The following RAD52 variants were observed in gnomAD, a reference collection of about 807,000 sequenced individuals.
RAD52 encodes the protein DNA repair protein RAD52 homolog.
Under a neutral mutation model 55.5 loss-of-function variants are expected in RAD52, and 47 were observed. The observed-to-expected ratio is 0.85, with a 90% CI of 0.67 to 1.08. The LOEUF is 1.08. RAD52 is among the 50% of genes least tolerant of loss of function. The pLI, the probability that RAD52 is intolerant of heterozygous loss-of-function variation, is 0.00. For synonymous variants in RAD52, 184 were observed against 198.9 expected (o/e 0.92, Z 0.63); for missense variants, 468 against 522.8 (o/e 0.90, Z 1.02).
chr12:990,747 GC>G (rs1959174270), upstream of RAD52: 1 of 152,258 alleles, frequency 6.6e-6, no homozygotes, highest in African/African-American at 2.4e-5. Context: ...TGCTCCCGCG[GC>G]GCTTGGCTGC....
At chr12:926,330 CA>C (rs61224274) in intron 6 of RAD52, among the ~76,000 whole-genome samples, 143,265 of 145,070 alleles carry the variant, frequency 0.99, 70,759 homozygotes, top group East Asian at 1. Flanking sequence ...CCTGTCTCTC[CA>C]AAAAAAAAAA....
chr12:985,753 C>T (rs1959077500), intron 1 of RAD52, among the ~76,000 whole-genome samples: 1 of 152,130 alleles, frequency 6.6e-6, no homozygotes, highest in South Asian at 2.1e-4. Context: ...AGCGATTCTC[C>T]TGCCTCAGCC....
At chr12:964,839 C>T (rs571288094) in intron 1 of RAD52, among the ~76,000 whole-genome samples, 18 of 151,992 alleles carry the variant, frequency 1.2e-4, no homozygotes, top group East Asian at 3.9e-4. Context: ...GGACTCCCAA[C>T]GTGCTGGGGC....
chr12:933,825 C>T (rs531049998), intron 1 of RAD52, among the ~76,000 whole-genome samples: 1 of 152,016 alleles, frequency 6.6e-6, no homozygotes, highest in Non-Finnish European at 1.5e-5. Context: ...GTGTTATAGT[C>T]AAAACACAGG....
At chr12:962,925 C>T (rs558337336) in intron 1 of RAD52, among the ~76,000 whole-genome samples, 1 of 152,140 alleles carries the variant, frequency 6.6e-6, no homozygotes, top group South Asian at 2.1e-4. Context: ...GAATTTTTTA[C>T]ACTTTTTATA....
chr12:943,162 A>C (rs150636573), intron 1 of RAD52, among the ~76,000 whole-genome samples: 297 of 152,322 alleles, frequency 1.9e-3, no homozygotes, highest in Non-Finnish European at 3.7e-3. Flanking sequence ...AAGACTGACA[A>C]CACCAAATGC....
chr12:945,729 C>A (rs934015889), intron 1 of RAD52, among the ~76,000 whole-genome samples: 17 of 150,620 alleles, frequency 1.1e-4, no homozygotes, highest in African/African-American at 3.7e-4. Flanking sequence ...AGCCACCACA[C>A]CTGGCCTGAA....
intron 1 of RAD52, among the ~76,000 whole-genome samples, chr12:934,318 C>T (rs942700588): frequency 4.6e-5 from 7 of 151,568 alleles, no homozygotes; most frequent in Non-Finnish European, 1.5e-5. Context: ...CAAAAATTAG[C>T]CGGGTGTGGT....
At chr12:983,947 T>C (rs547327549) in intron 1 of RAD52, among the ~76,000 whole-genome samples, 2 of 152,328 alleles carry the variant, frequency 1.3e-5, no homozygotes, top group South Asian at 2.1e-4. Context: ...AACAGTGTAA[T>C]GGATGCACAT....
chr12:985,756 C>A (rs374469704), intron 1 of RAD52, among the ~76,000 whole-genome samples: 1 of 152,122 alleles, frequency 6.6e-6, no homozygotes, highest in Admixed American at 6.6e-5. Flanking sequence ...GATTCTCCTG[C>A]CTCAGCCTCC....
Position 912,516 on chromosome 12 carries a change from A to AT in RAD52, c.*874_*875insA, listed in dbSNP as rs1956143533. 6.0e-6 allele frequency: 1 copy of AT among 165,404 alleles called. No individual in the cohort carries two copies. Among genetic ancestry groups the AT allele is most frequent in the Non-Finnish European group, 1.3e-5 (1 of 79,472 alleles). The allele number at this position is 165,404 out of a possible 1,614,324, so 10.2% of individuals were successfully genotyped here. A position where few individuals can be genotyped will look rare whatever the true frequency, so the allele number is the denominator to read the frequency against. ...CTGGTTTCAAGCATTTCAGATAAGC[A>AT]ATATATATATATTCTATTTTGTTAA... On this transcript the variant is annotated 3_prime_UTR_variant, in exon 12 of 12. Coordinates refer to ENST00000358495, the MANE Select transcript of RAD52 (RefSeq NM_134424.4).
Position 933,095 on chromosome 12 carries a change from G to T in RAD52, c.-18-19C>A. On this transcript the variant is annotated intron_variant, in intron 1 of 11. Transcript: ENST00000358495. ...TTGACCTCTATATAAATAAAAAGCG[G>T]AAAAAAAAAACAACCCTCAAAGAAT... 5.9e-6 allele frequency: 8 copies of T among 1,365,870 alleles called. No individual in the cohort carries two copies. The highest frequency in any genetic ancestry group is 5.0e-6 in the Non-Finnish European group (5 of 997,900). The allele number at this position is 1,365,870 out of a possible 1,614,324, so 84.6% of individuals were successfully genotyped here.
In RAD52 at chr12:927,282, T is replaced by C. The variant is rs117514710; in HGVS notation, c.349-19A>G. The C allele has an allele frequency of 2.7e-4, 425 of 1,577,862 alleles. No individual in the cohort carries two copies. Among genetic ancestry groups the C allele is most frequent in the Non-Finnish European group, 3.5e-4 (406 of 1,147,608 alleles). On this transcript the variant is annotated intron_variant, in intron 5 of 11. Coordinates refer to ENST00000358495, the MANE Select transcript of RAD52 (RefSeq NM_134424.4). ...AACCATCCTGGGGGCAGAAAAGGAG[T>C]TTGAACTCAAACACGAGAGCGGCAG...
chr12:945,166 C>A (rs1277800812), intron 1 of RAD52, among the ~76,000 whole-genome samples: 3 of 151,982 alleles, frequency 2.0e-5, no homozygotes, highest in African/African-American at 7.2e-5. Flanking sequence ...GCCCGGCTAA[C>A]ATGATGAAAC....
chr12:930,438 A>C (rs567955122), intron 3 of RAD52, among the ~76,000 whole-genome samples: 34 of 152,248 alleles, frequency 2.2e-4, no homozygotes, highest in African/African-American at 7.0e-4. Flanking sequence ...AATCTTCTAG[A>C]TGGAGCCCGC....
chr12:959,552 A>G (rs1958656079), intron 1 of RAD52, among the ~76,000 whole-genome samples: 1 of 152,240 alleles, frequency 6.6e-6, no homozygotes, highest in Non-Finnish European at 1.5e-5. Flanking sequence ...GGCTGGGGGA[A>G]GAGCAGTTCT....
At chr12:944,786 G>C (rs984368491) in intron 1 of RAD52, among the ~76,000 whole-genome samples, 1 of 54,250 alleles carries the variant, frequency 1.8e-5, no homozygotes, top group Non-Finnish European at 4.1e-5. Context: ...TTTTTTTTTT[G>C]AGGAGTCTCA....
chr12:964,432 G>A (rs1015340846), intron 1 of RAD52, among the ~76,000 whole-genome samples: 1 of 152,128 alleles, frequency 6.6e-6, no homozygotes, highest in Non-Finnish European at 1.5e-5. Flanking sequence ...GCCAGGTGTG[G>A]TGGTGTGTGC....
chr12:919,147 G>T (rs1282255946), intron 7 of RAD52, among the ~76,000 whole-genome samples: 2 of 152,152 alleles, frequency 1.3e-5, no homozygotes, highest in Non-Finnish European at 2.9e-5. Context: ...TATCTGGGAG[G>T]TGAACAGCTG....
Sources: gnomAD v4.1 joint callset for allele counts (sites outside exome capture counted in the v4.1 genomes callset) on GRCh38, gnomAD v4.1.1 for gene constraint, MANE v1.5 for transcripts, NCBI Gene and HGNC (gene_info 2026-07-23, HGNC 2026-07-21) for gene names.